RASA3: variants seen among roughly 807,000 people sequenced by gnomAD.
RASA3 encodes RAS p21 protein activator 3.
A neutral mutation model predicts 110.0 loss-of-function variants in RASA3; 73 were observed. The observed-to-expected ratio is 0.66, with a 90% CI of 0.55 to 0.81. The LOEUF is 0.81. Ranked by LOEUF, RASA3 falls within the 30% of genes least tolerant of loss-of-function variation. RASA3 has a pLI of 0.00. For missense variants in RASA3, 976 were observed against 1,113.2 expected (o/e 0.88, Z 1.75); for synonymous variants, 500 against 451.4 (o/e 1.11, Z -1.37).
rs567124211 is a variant in RASA3, at chr13:114,122,000, G to A, written c.55+10435C>T. On this transcript the variant is annotated intron_variant, in intron 1 of 23. Transcript: ENST00000334062. ...CCAGAGGCTCCTACCTCCAGCCACC[G>A]CCCCTAAACTAATGAAGATTCCAGT... is the stretch of plus-strand genomic sequence containing the variant. Among the ~76,000 whole-genome samples, 59 of 152,344 alleles carry A rather than the reference G, an allele frequency of 3.9e-4. No homozygotes were observed. The South Asian group carries it at 9.5e-3, about 25-fold the overall frequency.
intron 1 of RASA3, among the ~76,000 whole-genome samples, chr13:114,078,793 A>G (rs1386954737): frequency 6.6e-6 from 1 of 152,238 alleles, no homozygotes; most frequent in African/African-American, 2.4e-5. Flanking sequence ...GCACAGGCCC[A>G]GCCCTGACCG....
At chr13:114,119,628 C>T (rs1594476697) in intron 1 of RASA3, among the ~76,000 whole-genome samples, 1 of 79,536 alleles carries the variant, frequency 1.3e-5, no homozygotes, top group African/African-American at 4.8e-5. Flanking sequence ...GGGCCCCTCC[C>T]TCTCTCCAGC....
chr13:114,080,673 C>CAGGGGTCTCCCCCAGGGGCCACTGAAAA (rs2079769941), intron 1 of RASA3, among the ~76,000 whole-genome samples: 1 of 128,944 alleles, frequency 7.8e-6, no homozygotes, highest in Admixed American at 7.0e-5. Flanking sequence ...ACGGCTGAAA[C>CAGGGGTCTCCCCCAGGGGCCACTGAAAA]AGGGGTCTCC....
intron 3 of RASA3, among the ~76,000 whole-genome samples, chr13:114,050,349 A>G (rs1361354144): frequency 1.3e-5 from 2 of 152,250 alleles, no homozygotes; most frequent in African/African-American, 4.8e-5. Context: ...CCGCTGCGGA[A>G]GCACCCAGCA....
At chr13:114,030,950 C>T (rs1011865318) in intron 4 of RASA3, among the ~76,000 whole-genome samples, 4 of 139,682 alleles carry the variant, frequency 2.9e-5, no homozygotes, top group Non-Finnish European at 6.2e-5. Flanking sequence ...TCCATCTGTG[C>T]TGCTGTGTGC....
intron 2 of RASA3, among the ~76,000 whole-genome samples, chr13:114,068,381 G>C (rs1244163628): frequency 6.6e-6 from 1 of 152,274 alleles, no homozygotes; most frequent in Non-Finnish European, 1.5e-5. Flanking sequence ...GGGCGCAGAG[G>C]AAGCAGGCAG....
At chr13:114,121,583 CG>C (rs910068278) in intron 1 of RASA3, among the ~76,000 whole-genome samples, 8 of 152,160 alleles carry the variant, frequency 5.3e-5, no homozygotes, top group African/African-American at 1.9e-4. Flanking sequence ...AGGAGACCTC[CG>C]AGGAACATAA....
At position 113,979,438 on chromosome 13, in the gene RASA3, G is replaced by C; in HGVS notation, c.2430-16C>G. 6.4e-7 allele frequency: 1 copy of C among 1,573,114 alleles called. No individual in the cohort carries two copies. Among genetic ancestry groups the C allele is most frequent in the East Asian group, 2.2e-5 (1 of 44,672 alleles). ...GGGGTGCTCCCTGAAAAGGGGGATG[G>C]GAGAGGGAATGAGGCACAGACCCCG... is the stretch of plus-strand genomic sequence containing the variant. On this transcript the variant is annotated splice_polypyrimidine_tract_variant and intron_variant, in intron 23 of 23. Transcript: ENST00000334062.
At chr13:113,979,959 A>C (rs2052872300) in intron 23 of RASA3, among the ~76,000 whole-genome samples, 1 of 140,028 alleles carries the variant, frequency 7.1e-6, no homozygotes, top group African/African-American at 2.7e-5. Context: ...ACGTGTGTGC[A>C]CCTCCTTCCA....
At chr13:113,995,732 C>G (rs2053223414) in intron 21 of RASA3, among the ~76,000 whole-genome samples, 1 of 47,234 alleles carries the variant, frequency 2.1e-5, no homozygotes, top group African/African-American at 1.4e-4. Context: ...TGATGGGGGG[C>G]CCGGCTGACG....
At chr13:114,019,427 C>T (rs1188325982) in intron 9 of RASA3, among the ~76,000 whole-genome samples, 4 of 152,236 alleles carry the variant, frequency 2.6e-5, no homozygotes, top group Non-Finnish European at 5.9e-5. Context: ...CGCAGTCACC[C>T]AGGAGCCCTC....
chr13:114,042,090 A>G (rs4354802), intron 3 of RASA3, among the ~76,000 whole-genome samples: 108,706 of 152,270 alleles, frequency 0.71, 39,750 homozygotes, highest in African/African-American at 0.89. Context: ...ATGGATTTAT[A>G]TGTGTAAATT....
In RASA3 at chr13:114,014,006, CTCTG is replaced by C. The variant is rs879683251; in HGVS notation, c.1406-762_1406-759del. ...TCTCTCTCCATCTCTCTCCGTCTGTCTCTGTCTCTCTCCATCTCTCTCTCTCCGT... is the reference window on the plus strand; with the variant it reads ...TCTCTCTCCATCTCTCTCCGTCTGTCTCTCTCTCCATCTCTCTCTCTCCGT... On this transcript the variant is annotated intron_variant, in intron 14 of 23. Transcript: ENST00000334062. This position sits in a 1 kb window ranked among gnomAD's most constrained non-coding sequence, Gnocchi z 4.5. Among the ~76,000 whole-genome samples, 35 of 104,738 alleles carry C rather than the reference CTCTG, an allele frequency of 3.3e-4. No individual in the cohort carries two copies. Among genetic ancestry groups the C allele is most frequent in the African/African-American group, 1.3e-3 (29 of 21,558 alleles). 68.7% of individuals were successfully genotyped at this position (104,738 alleles called of 152,430 possible). A position where few individuals can be genotyped will look rare whatever the true frequency, so the allele number is the denominator to read the frequency against.
At chr13:114,046,610 G>T (rs898642802) in intron 3 of RASA3, among the ~76,000 whole-genome samples, 2 of 152,244 alleles carry the variant, frequency 1.3e-5, no homozygotes, top group Admixed American at 6.5e-5. Context: ...CGTTGCCATG[G>T]CAATGGTAAG....
chr13:114,059,586 C>G (rs573629318), intron 2 of RASA3, among the ~76,000 whole-genome samples: 1 of 152,236 alleles, frequency 6.6e-6, no homozygotes, highest in Non-Finnish European at 1.5e-5. Context: ...CACAGTGCAG[C>G]CTGCGGGCAC....
intron 3 of RASA3, among the ~76,000 whole-genome samples, chr13:114,050,891 A>G (rs2079133697): frequency 6.6e-6 from 1 of 152,186 alleles, no homozygotes; most frequent in South Asian, 2.1e-4. Context: ...CTGGGAATGG[A>G]TCAGATCACA....
Position 114,056,083 on chromosome 13 carries a change from G to A in RASA3, c.174-3928C>T, listed in dbSNP as rs948801948. 3.3e-5 allele frequency among the ~76,000 whole-genome samples: 5 copies of A among 152,116 alleles called. No individual in the cohort carries two copies. The highest frequency in any genetic ancestry group is 1.9e-4 in the East Asian group (1 of 5,176). On this transcript the variant is annotated intron_variant, in intron 2 of 23. Coordinates refer to ENST00000334062, the MANE Select transcript of RASA3 (RefSeq NM_007368.4). The surrounding 1 kb of genome is among the most constrained non-coding windows in gnomAD (Gnocchi z 5.7). Reference sequence around the variant, plus strand: ...TTCACCTGGCGCGTCACCGTTTCCCGAGAGCCCCCCGCCCCCGCACAGGCA... The same window carrying A: ...TTCACCTGGCGCGTCACCGTTTCCCAAGAGCCCCCCGCCCCCGCACAGGCA...
At chr13:114,050,343 T>C (rs977416317) in intron 3 of RASA3, among the ~76,000 whole-genome samples, 2 of 152,240 alleles carry the variant, frequency 1.3e-5, no homozygotes, top group African/African-American at 4.8e-5. Flanking sequence ...GGGTGTCCGC[T>C]GCGGAAGCAC....
At chr13:114,111,965 T>C (rs1056992033) in intron 1 of RASA3, among the ~76,000 whole-genome samples, 1 of 152,148 alleles carries the variant, frequency 6.6e-6, no homozygotes, top group Middle Eastern at 3.2e-3. Flanking sequence ...GACTTCACCC[T>C]ATCTAATTCC....
Sources: gnomAD v4.1 joint callset for allele counts (sites outside exome capture counted in the v4.1 genomes callset) on GRCh38, gnomAD v4.1.1 for gene constraint, Gnocchi (gnomAD v3.1) non-coding constraint, MANE v1.5 for transcripts, NCBI Gene and HGNC (gene_info 2026-07-23, HGNC 2026-07-21) for gene names.